Variants in GAS7 observed in about 807,000 individuals in gnomAD.
GAS7 encodes the protein growth arrest specific 7.
Under a neutral mutation model 71.1 loss-of-function variants are expected in GAS7, and 28 were observed. The observed-to-expected ratio is 0.39, with a 90% CI of 0.29 to 0.54. The LOEUF is 0.54. GAS7 is among the 20% of genes least tolerant of loss of function. The probability of loss-of-function intolerance (pLI) is 0.62; values close to 1 mark genes in which losing one functional copy is unlikely to be tolerated. For missense variants in GAS7, 436 were observed against 627.8 expected (o/e 0.69, Z 3.27); for synonymous variants, 258 against 245.8 (o/e 1.05, Z -0.46).
At chr17:10,090,414 A>G (rs2073569621) in intron 1 of GAS7, among the ~76,000 whole-genome samples, 1 of 152,190 alleles carries the variant, frequency 6.6e-6, no homozygotes, top group Non-Finnish European at 1.5e-5. Flanking sequence ...GTCCTGATTT[A>G]TACACAAAAG....
intron 1 of GAS7, among the ~76,000 whole-genome samples, chr17:10,135,016 A>G (rs935593552): frequency 1.1e-4 from 17 of 151,974 alleles, no homozygotes; most frequent in Non-Finnish European, 2.2e-4. Flanking sequence ...TATTTTTAGT[A>G]GAGACGGGGT....
chr17:9,918,255 A>G (rs541336499), intron 12 of GAS7, among the ~76,000 whole-genome samples, 156 bp from the exon 13 acceptor site: 2 of 151,374 alleles, frequency 1.3e-5, no homozygotes, highest in African/African-American at 2.4e-5. Flanking sequence ...ATCTAAGGTG[A>G]AGGTGAAGCT....
intron 1 of GAS7, among the ~76,000 whole-genome samples, chr17:10,074,104 G>A (rs750339852): frequency 6.6e-6 from 1 of 152,202 alleles, no homozygotes; most frequent in South Asian, 2.1e-4. Context: ...TGTGATGGAC[G>A]TATGCAACGA....
intron 2 of GAS7, among the ~76,000 whole-genome samples, chr17:10,005,436 G>T (rs1034465177): frequency 6.6e-6 from 1 of 151,090 alleles, no homozygotes; most frequent in Non-Finnish European, 1.5e-5. Context: ...TCTTTTCATC[G>T]GGCCCAAACT....
Position 10,192,999 on chromosome 17 carries a change from T to G in GAS7, c.183+5209A>C, listed in dbSNP as rs115413939. Among the ~76,000 whole-genome samples, 623 of 152,304 alleles carry G rather than the reference T, an allele frequency of 4.1e-3. 3 individuals are homozygous for G. The highest frequency in any genetic ancestry group is 0.014 in the African/African-American group (584 of 41,574). On this transcript the variant is annotated intron_variant, in intron 1 of 13. Coordinates refer to ENST00000432992, the MANE Select transcript of GAS7 (RefSeq NM_201433.2). ...CATGAGGGACAAGGTCACACTCATT[T>G]TGGGTGATTTTCATGTTGCAGAAAG...
At chr17:10,191,451 T>C (rs528870852) in intron 1 of GAS7, among the ~76,000 whole-genome samples, 1 of 148,458 alleles carries the variant, frequency 6.7e-6, no homozygotes, top group Non-Finnish European at 1.5e-5. Context: ...GTGCCTATAG[T>C]CCAAGCTACT....
intron 1 of GAS7, among the ~76,000 whole-genome samples, chr17:10,068,509 A>C (rs1001277218): frequency 6.6e-6 from 1 of 152,014 alleles, no homozygotes; most frequent in African/African-American, 2.4e-5. Flanking sequence ...TAATCCCAGC[A>C]CTTTGGGAGG....
intron 2 of GAS7, among the ~76,000 whole-genome samples, chr17:10,009,134 A>C (rs1163174745): frequency 1.3e-5 from 2 of 151,642 alleles, no homozygotes; most frequent in Non-Finnish European, 2.9e-5. Context: ...TCCCGGCTAA[A>C]ACGGTGAAAC....
At chr17:9,982,177 T>G (rs1029597793) in intron 2 of GAS7, among the ~76,000 whole-genome samples, 2 of 152,040 alleles carry the variant, frequency 1.3e-5, no homozygotes, top group Non-Finnish European at 2.9e-5. Context: ...GATGTCAAGA[T>G]CCTCTAAAAT....
intron 1 of GAS7, among the ~76,000 whole-genome samples, chr17:10,050,175 A>G (rs935624059): frequency 2.0e-5 from 3 of 152,214 alleles, no homozygotes; most frequent in Non-Finnish European, 4.4e-5. Flanking sequence ...CAAGTCCAAT[A>G]AAACCCTCCT....
In GAS7 at chr17:9,992,744, T is replaced by A. The variant is rs530835805; in HGVS notation, c.305-10860A>T. Among the ~76,000 whole-genome samples, 3 of 138,076 alleles carry A rather than the reference T, an allele frequency of 2.2e-5. No individual in the cohort carries two copies. The South Asian group carries it at 7.6e-4, about 35-fold the overall frequency. 90.6% of individuals were successfully genotyped at this position (138,076 alleles called of 152,430 possible). On this transcript the variant is annotated intron_variant, in intron 2 of 13. Coordinates refer to ENST00000432992, the MANE Select transcript of GAS7 (RefSeq NM_201433.2). Reference sequence around the variant, plus strand: ...GCATTAGGTATATCTCCCAATGCTATCCCTCCCCCCTCCCCCAACCCCACA... The same window carrying A: ...GCATTAGGTATATCTCCCAATGCTAACCCTCCCCCCTCCCCCAACCCCACA...
intron 5 of GAS7, among the ~76,000 whole-genome samples, chr17:9,948,280 C>T (rs999686366): frequency 1.3e-5 from 2 of 152,214 alleles, no homozygotes; most frequent in Admixed American, 6.5e-5. Flanking sequence ...AAACTGATAA[C>T]ATTGTTTGCT....
At position 10,013,097 on chromosome 17, in the gene GAS7, T is replaced by C. The variant is rs202122709; in HGVS notation, c.304+6680A>G. Among the ~76,000 whole-genome samples the C allele has an allele frequency of 1.2e-3, 171 of 138,230 alleles. 4 individuals are homozygous for C. In the East Asian group the frequency reaches 0.033, roughly 27 times the overall value. The allele number at this position is 138,230 out of a possible 152,430, so 90.7% of individuals were successfully genotyped here. On this transcript the variant is annotated intron_variant, in intron 2 of 13. Transcript: ENST00000432992. Reference sequence around the variant, plus strand: ...CAGCCTGGGTGACAGACCGAGACTCTGTCTCAAAAAAAAAAAAAAAAAAAT... The same window carrying C: ...CAGCCTGGGTGACAGACCGAGACTCCGTCTCAAAAAAAAAAAAAAAAAAAT...
At position 10,136,221 on chromosome 17, in the gene GAS7, G is replaced by A. The variant is rs192230028; in HGVS notation, c.183+61987C>T. On this transcript the variant is annotated intron_variant, in intron 1 of 13. Coordinates refer to ENST00000432992, the MANE Select transcript of GAS7 (RefSeq NM_201433.2). ...TCTGAACAAGCCTCCCCAGATCCACGGGGGAGGCTGGGTGAGTGGGGAGCC... is the reference window on the plus strand; with the variant it reads ...TCTGAACAAGCCTCCCCAGATCCACAGGGGAGGCTGGGTGAGTGGGGAGCC... Among the ~76,000 whole-genome samples, 245 of 152,266 alleles carry A rather than the reference G, an allele frequency of 1.6e-3. 1 individual carries two copies. Among genetic ancestry groups the A allele is most frequent in the Middle Eastern group, 0.01 (3 of 294 alleles).
chr17:10,054,788 G>A (rs1016756010), intron 1 of GAS7, among the ~76,000 whole-genome samples: 1 of 152,174 alleles, frequency 6.6e-6, no homozygotes, highest in African/African-American at 2.4e-5. Context: ...CGGGATCTGT[G>A]AACCCCTTCC....
Position 9,969,689 on chromosome 17 carries a change from G to A in GAS7, c.459C>T (p.Thr153=), listed in dbSNP as rs759409547. The A allele has an allele frequency of 1.6e-5, 26 of 1,604,808 alleles. No homozygotes were observed. The highest frequency in any genetic ancestry group is 2.2e-5 in the South Asian group (2 of 90,890). Residue 153 remains threonine, a synonymous_variant, in exon 4 of 14, where the codon ACC becomes ACT. Coordinates refer to ENST00000432992, the MANE Select transcript of GAS7 (RefSeq NM_201433.2). This position sits in a 1 kb window ranked among gnomAD's most constrained non-coding sequence, Gnocchi z 5.5. ...ETAHMSVRKS[T]GDSQNLGSSS... is the part of the protein sequence containing the mutation. ...CAGGACCCCTTACCTGGGAATCACC[G>A]GTGGATTTTCGGACACTCATGTGGG...
chr17:10,130,161 T>A (rs1597808941), intron 1 of GAS7, among the ~76,000 whole-genome samples: 1 of 144,464 alleles, frequency 6.9e-6, no homozygotes. Flanking sequence ...AGAGCAAGAC[T>A]CAGCCTCAAA....
Position 10,090,062 on chromosome 17 carries a change from G to A in GAS7, c.184-70165C>T, listed in dbSNP as rs553164008. ...CGAGTGCCTGTAATCCCAGCTACTC[G>A]GGAGGCTGAGACAGGAGAATGGCTT... On this transcript the variant is annotated intron_variant, in intron 1 of 13. Coordinates refer to ENST00000432992, the MANE Select transcript of GAS7 (RefSeq NM_201433.2). Among the ~76,000 whole-genome samples, 35 of 152,112 alleles carry A rather than the reference G, an allele frequency of 2.3e-4. 1 individual carries two copies. The highest frequency in any genetic ancestry group is 2.3e-3 in the South Asian group (11 of 4,810).
Position 10,026,389 on chromosome 17 carries a change from T to C in GAS7, c.184-6492A>G, listed in dbSNP as rs1290697358. On this transcript the variant is annotated intron_variant, in intron 1 of 13. Coordinates refer to ENST00000432992, the MANE Select transcript of GAS7 (RefSeq NM_201433.2). This position sits in a 1 kb window ranked among gnomAD's most constrained non-coding sequence, Gnocchi z 4.5. ...TGAAGTTGTCAGCCTAACGAGCCAC[T>C]TTCTGGCAGACCCGTTGCTATGGCA... 1.5e-6 allele frequency: 1 copy of C among 655,686 alleles called. No individual in the cohort carries two copies. The highest frequency in any genetic ancestry group is 2.0e-5 in the African/African-American group (1 of 51,154). 40.6% of individuals were successfully genotyped at this position (655,686 alleles called of 1,614,324 possible).
Sources: allele counts gnomAD v4.1 joint callset (sites outside exome capture counted in the v4.1 genomes callset), GRCh38; gene constraint gnomAD v4.1.1; non-coding constraint Gnocchi (gnomAD v3.1); transcripts MANE v1.5; gene names NCBI Gene and HGNC (gene_info 2026-07-23, HGNC 2026-07-21).